UBAP1L: variants seen among roughly 807,000 people sequenced by gnomAD.
The protein encoded by UBAP1L is ubiquitin associated protein 1 like.
Under a neutral mutation model 32.1 loss-of-function variants are expected in UBAP1L, and 32 were observed. The observed-to-expected ratio is 1.00, with a 90% CI of 0.75 to 1.34. UBAP1L has a LOEUF of 1.34. UBAP1L is among the 40% of genes most tolerant of loss of function. The pLI is 0.00. For synonymous variants in UBAP1L, 243 were observed against 250.2 expected (o/e 0.97, Z 0.27); for missense variants, 516 against 540.5 (o/e 0.95, Z 0.45).
chr15:65,093,831 A>G (rs1402526677), intron 5 of UBAP1L, among the ~76,000 whole-genome samples: 1 of 151,734 alleles, frequency 6.6e-6, no homozygotes, highest in African/African-American at 2.4e-5. Flanking sequence ...ATCACTTGAG[A>G]TCAGGCATTC....
intron 4 of UBAP1L, chr15:65,098,438 T>C (rs2087202826): frequency 6.6e-6 from 1 of 152,186 alleles, no homozygotes; most frequent in Admixed American, 6.5e-5. Context: ...AACCTTCTTG[T>C]GGTAGACTGA....
rs1555409793 is a variant in UBAP1L, at chr15:65,108,777, A to AAATT, written c.-173-2393_-173-2390dup. 6.4e-3 allele frequency among the ~76,000 whole-genome samples: 967 copies of AAATT among 151,154 alleles called. 7 individuals are homozygous for AAATT. The highest frequency in any genetic ancestry group is 0.017 in the African/African-American group (702 of 41,202). On this transcript the variant is annotated intron_variant, in intron 1 of 5. Coordinates refer to ENST00000559089, the MANE Select transcript of UBAP1L (RefSeq NM_001163692.2). ...CAAATAAATAAATAAATAAATAAAT[A>AAATT]AATTAAATTTAAAAAAACACAACAA...
intron 2 of UBAP1L, chr15:65,105,734 T>C: frequency 1.4e-6 from 1 of 699,518 alleles, no homozygotes. Context: ...ATGGTGGAGT[T>C]GGTAGGTGTG....
rs2087134081 is a variant in UBAP1L, at chr15:65,092,941, T to C, written c.*156A>G. Reference sequence around the variant, plus strand: ...CTATTTCAACTCTTTCAGCAGATTCTGCTGCTGTTAACTGTCACCCTTGGT... The same window carrying C: ...CTATTTCAACTCTTTCAGCAGATTCCGCTGCTGTTAACTGTCACCCTTGGT... On this transcript the variant is annotated 3_prime_UTR_variant, in exon 6 of 6. Transcript: ENST00000559089. The C allele has an allele frequency of 1.9e-6, 2 of 1,056,782 alleles. No individual in the cohort carries two copies. Among genetic ancestry groups the C allele is most frequent in the African/African-American group, 3.2e-5 (2 of 62,212 alleles). 65.5% of individuals were successfully genotyped at this position (1,056,782 alleles called of 1,614,324 possible).
At chr15:65,097,742 T>G (rs889897669) in intron 4 of UBAP1L, 1 of 152,240 alleles carries the variant, frequency 6.6e-6, no homozygotes, top group African/African-American at 2.4e-5. Flanking sequence ...GGACAGGGCA[T>G]GAACTGATGA....
chr15:65,104,884 G>C (rs1459587911), intron 2 of UBAP1L: 2 of 393,716 alleles, frequency 5.1e-6, no homozygotes, highest in South Asian at 3.6e-5. Context: ...GTGCATGCCT[G>C]TAATCCCAGC....
chr15:65,093,254 G>A (rs1246582922), intron 5 of UBAP1L, 23 bp from the exon 6 acceptor site: 4 of 1,526,506 alleles, frequency 2.6e-6, no homozygotes, highest in Non-Finnish European at 3.5e-6. Flanking sequence ...AGACAGGGAG[G>A]GTGCTGGGGG....
intron 2 of UBAP1L, 200 bp downstream of exon 2, chr15:65,105,896 T>C: frequency 1.3e-6 from 1 of 746,966 alleles, no homozygotes; most frequent in Non-Finnish European, 2.3e-6. Context: ...ATTCAAACAA[T>C]TCTCATGCCT....
intron 1 of UBAP1L, among the ~76,000 whole-genome samples, chr15:65,112,982 A>G (rs1374273172): frequency 6.6e-6 from 1 of 152,088 alleles, no homozygotes; most frequent in Admixed American, 6.6e-5. Flanking sequence ...ATTATCTCTC[A>G]CCTGGACCAC....
rs2087257782 is a variant in UBAP1L, at chr15:65,102,608, C to G, written c.197G>C (p.Gly66Ala). The G allele has an allele frequency of 1.3e-6, 2 of 1,549,526 alleles. No homozygotes were observed. Among genetic ancestry groups the G allele is most frequent in the Non-Finnish European group, 1.7e-6 (2 of 1,146,700 alleles). ...AGGGGCTGACGCTGTCCCCGGGTCA[C>G]CGCACTGGTACGGGCTGGGTCCCTG... is the stretch of plus-strand genomic sequence containing the variant. ...AGQGPSPYQC[G>A]DPGTASAPPA... The change falls in exon 3 of 6, where the codon GGT (glycine) becomes GCT (alanine). Residue 66 changes from glycine (G) to alanine (A), a missense_variant. Transcript: ENST00000559089. The surrounding 1 kb of genome is among the most constrained non-coding windows in gnomAD (Gnocchi z 5.0).
Position 65,102,798 on chromosome 15 carries a change from G to T in UBAP1L, c.121-114C>A. ...CAGAGACTCTCTAAGCCTGGACAGC[G>T]TCAGATTCTGAGCCCCGGGCTTCCA... On this transcript the variant is annotated intron_variant, in intron 2 of 5. Transcript: ENST00000559089. The surrounding 1 kb of genome is among the most constrained non-coding windows in gnomAD (Gnocchi z 5.0). 1 of 974,160 alleles carries T rather than the reference G, an allele frequency of 1.0e-6. No individual in the cohort carries two copies. Among genetic ancestry groups the T allele is most frequent in the Non-Finnish European group, 1.4e-6 (1 of 689,676 alleles). The allele number at this position is 974,160 out of a possible 1,614,324, so 60.3% of individuals were successfully genotyped here.
In UBAP1L at chr15:65,099,727, C is replaced by T. The variant is rs975043492; in HGVS notation, c.700-13G>A. ...ACGGGCTGAGGGACTGAAATACAGA[C>T]AGACTGGACATGTCAGTTACTACAG... is the stretch of plus-strand genomic sequence containing the variant. On this transcript the variant is annotated splice_polypyrimidine_tract_variant and intron_variant, in intron 3 of 5. Transcript: ENST00000559089. 1.3e-6 allele frequency: 2 copies of T among 1,538,668 alleles called. No individual in the cohort carries two copies. Among genetic ancestry groups the T allele is most frequent in the Non-Finnish European group, 1.8e-6 (2 of 1,138,842 alleles).
At chr15:65,110,188 G>A (rs769951646) in intron 1 of UBAP1L, among the ~76,000 whole-genome samples, 9 of 151,810 alleles carry the variant, frequency 5.9e-5, no homozygotes, top group African/African-American at 7.3e-5. Flanking sequence ...GTGAAACCCC[G>A]TCCCTACTAA....
chr15:65,102,632 T>A lies in UBAP1L; in HGVS notation c.173A>T (p.Gln58Leu), dbSNP rs1382103232. The A allele has an allele frequency of 4.5e-6, 7 of 1,549,280 alleles. No homozygotes were observed. In the African/African-American group the frequency reaches 9.6e-5, roughly 21 times the overall value. ...ACCGCACTGGTACGGGCTGGGTCCC[T>A]GGCCGGCGGCCTCCACCCAGAAGAG... is the stretch of plus-strand genomic sequence containing the variant. ...TALFWVEAAG[Q>L]GPSPYQCGDP... The change falls in exon 3 of 6, where the codon CAG becomes CTG. Residue 58 changes from glutamine (Q) to leucine (L), a missense_variant. Physicochemically the swap from Gln to Leu is moderately radical, Grantham distance 113. Transcript: ENST00000559089. This position sits in a 1 kb window ranked among gnomAD's most constrained non-coding sequence, Gnocchi z 5.0.
chr15:65,105,838 T>G, intron 2 of UBAP1L: 1 of 693,356 alleles, frequency 1.4e-6, no homozygotes, highest in Non-Finnish European at 2.6e-6. Context: ...GTCGCCAGGC[T>G]GAAATGCAGT....
chr15:65,099,294 C>T, intron 4 of UBAP1L: 3 of 572,190 alleles, frequency 5.2e-6, no homozygotes, highest in Non-Finnish European at 9.3e-6. Flanking sequence ...CACCCCCTTC[C>T]CACATGCAAT....
chr15:65,105,733 T>C (rs772212825), intron 2 of UBAP1L: 60 of 698,678 alleles, frequency 8.6e-5, no homozygotes, highest in Non-Finnish European at 1.5e-4. Context: ...AATGGTGGAG[T>C]TGGTAGGTGT....
intron 1 of UBAP1L, among the ~76,000 whole-genome samples, chr15:65,108,391 G>C (rs1292932585): frequency 1.3e-5 from 2 of 151,994 alleles, no homozygotes; most frequent in African/African-American, 4.8e-5. Flanking sequence ...AAAACTCAAA[G>C]ATAAAAATGA....
chr15:65,106,425 T>C, intron 1 of UBAP1L, 37 bp from the exon 2 acceptor site: 1 of 486,004 alleles, frequency 2.1e-6, no homozygotes. Flanking sequence ...AACAAGAGCA[T>C]TCACACGGAC....
Sources: gnomAD v4.1 joint callset for allele counts (sites outside exome capture counted in the v4.1 genomes callset) on GRCh38, gnomAD v4.1.1 for gene constraint, Gnocchi (gnomAD v3.1) non-coding constraint, MANE v1.5 for transcripts, NCBI Gene and HGNC (gene_info 2026-07-23, HGNC 2026-07-21) for gene names.